KDM2A: variants seen among roughly 807,000 people sequenced by gnomAD.
The protein encoded by KDM2A is lysine demethylase 2A.
A neutral mutation model predicts 137.3 loss-of-function variants in KDM2A; 3 were observed. The observed-to-expected ratio is 0.02, with a 90% CI of 0.01 to 0.06. The LOEUF (loss-of-function observed/expected upper bound fraction) is 0.06, where lower values mean the gene tolerates loss of function less well. Among genes scored for constraint, KDM2A ranks in the 10% least tolerant of loss-of-function variants. KDM2A has a pLI of 1.00. For synonymous variants in KDM2A, 512 were observed against 541.5 expected (o/e 0.95, Z 0.76); for missense variants, 738 against 1,510.6 (o/e 0.49, Z 8.48).
rs1354735769 is a variant in KDM2A at position 67,245,166 on chromosome 11, ACCTCACT to A, written c.1564-22_1564-16del. ...GTCTTAAAGCAACCTGATATATTTGACCTCACTGCTTTCTCTTTCCAGCTTAAATTCC... is the reference window on the plus strand; with the variant it reads ...GTCTTAAAGCAACCTGATATATTTGAGCTTTCTCTTTCCAGCTTAAATTCC... On this transcript the variant is annotated splice_polypyrimidine_tract_variant and intron_variant, in intron 13 of 20. Transcript: ENST00000529006. This position sits in a 1 kb window ranked among gnomAD's most constrained non-coding sequence, Gnocchi z 4.1. The A allele has an allele frequency of 6.2e-7, 1 of 1,609,532 alleles. No homozygotes were observed. The highest frequency in any genetic ancestry group is 1.3e-5 in the African/African-American group (1 of 74,842).
intron 2 of KDM2A, among the ~76,000 whole-genome samples, chr11:67,122,873 C>T (rs1013862298): frequency 2.6e-5 from 4 of 151,398 alleles, no homozygotes; most frequent in Non-Finnish European, 4.4e-5. Flanking sequence ...GACGGGGTTT[C>T]ACTGTGTTAG....
At chr11:67,137,731 T>C (rs982737980) in intron 2 of KDM2A, among the ~76,000 whole-genome samples, 1 of 152,182 alleles carries the variant, frequency 6.6e-6, no homozygotes, top group Non-Finnish European at 1.5e-5. Flanking sequence ...TTGTGAAATA[T>C]CACAGTAGAA....
chr11:67,181,038 TTAG>T (rs1565391858), intron 3 of KDM2A, among the ~76,000 whole-genome samples: 2 of 151,516 alleles, frequency 1.3e-5, no homozygotes, highest in Non-Finnish European at 2.9e-5. Flanking sequence ...TGACTCACTA[TTAG>T]TAGTCCTATC....
chr11:67,157,534 CAG>C (rs1287981742), intron 2 of KDM2A, among the ~76,000 whole-genome samples: 6 of 151,726 alleles, frequency 4.0e-5, no homozygotes, highest in African/African-American at 1.5e-4. Context: ...CACCTGAGGT[CAG>C]GGGTTCAAGA....
At chr11:67,191,608 G>A (rs560427004) in intron 5 of KDM2A, among the ~76,000 whole-genome samples, 1 of 152,240 alleles carries the variant, frequency 6.6e-6, no homozygotes, top group South Asian at 2.1e-4. Context: ...CATCTCAATT[G>A]ACACAGAGAA....
At chr11:67,156,500 G>A (rs1461385675) in intron 2 of KDM2A, among the ~76,000 whole-genome samples, 1 of 151,822 alleles carries the variant, frequency 6.6e-6, no homozygotes, top group Non-Finnish European at 1.5e-5. Flanking sequence ...GGCGGATCAC[G>A]AGGTCAGGAG....
At chr11:67,135,072 T>C (rs1261515113) in intron 2 of KDM2A, among the ~76,000 whole-genome samples, 1 of 152,078 alleles carries the variant, frequency 6.6e-6, no homozygotes, top group Non-Finnish European at 1.5e-5. Flanking sequence ...ATTTTCTTTT[T>C]TTTTTTTCCC....
chr11:67,239,408 A>G (rs1486482036), intron 12 of KDM2A, among the ~76,000 whole-genome samples: 1 of 152,102 alleles, frequency 6.6e-6, no homozygotes, highest in Non-Finnish European at 1.5e-5. Flanking sequence ...GATGTAGTTG[A>G]TGTTAGCCGT....
intron 15 of KDM2A, 32 bp from the exon 16 acceptor site, chr11:67,248,249 A>G (rs1278871312): frequency 6.8e-7 from 1 of 1,467,614 alleles, no homozygotes; most frequent in Non-Finnish European, 9.4e-7. Flanking sequence ...CTTGAGAGAC[A>G]GGCTTTTAAA....
chr11:67,133,771 G>A lies in KDM2A; in HGVS notation c.42+12413G>A, dbSNP rs564826527. Among the ~76,000 whole-genome samples the A allele has an allele frequency of 3.3e-5, 5 of 151,070 alleles. No homozygotes were observed. The South Asian group carries it at 6.3e-4, about 19-fold the overall frequency. On this transcript the variant is annotated intron_variant, in intron 2 of 20. Coordinates refer to ENST00000529006, the MANE Select transcript of KDM2A (RefSeq NM_012308.3). ...GGCTGACGTGCAGTGGCGCCATCTC[G>A]GCTTACTATAACTTCCGCCTCCCAG... is the stretch of plus-strand genomic sequence containing the variant.
Position 67,185,636 on chromosome 11 carries a change from G to A in KDM2A, c.307+3744G>A, listed in dbSNP as rs114020427. 3.9e-3 allele frequency among the ~76,000 whole-genome samples: 563 copies of A among 142,932 alleles called. 5 individuals carry two copies. Among genetic ancestry groups the A allele is most frequent in the African/African-American group, 0.014 (539 of 38,120 alleles). 93.8% of individuals were successfully genotyped at this position (142,932 alleles called of 152,430 possible). On this transcript the variant is annotated intron_variant, in intron 5 of 20. Coordinates refer to ENST00000529006, the MANE Select transcript of KDM2A (RefSeq NM_012308.3). ...CCTTGGTGACGAGCGAAACTCTGTCGCAAAAAAAAAAAAAAAGTTATCCCT... is the reference window on the plus strand; with the variant it reads ...CCTTGGTGACGAGCGAAACTCTGTCACAAAAAAAAAAAAAAAGTTATCCCT...
chr11:67,250,844 G>A lies in KDM2A; in HGVS notation c.2768+46G>A. 1.4e-6 allele frequency: 2 copies of A among 1,430,426 alleles called. No homozygotes were observed. Among genetic ancestry groups the A allele is most frequent in the Non-Finnish European group, 1.9e-6 (2 of 1,056,294 alleles). The allele number at this position is 1,430,426 out of a possible 1,614,324, so 88.6% of individuals were successfully genotyped here. A position where few individuals can be genotyped will look rare whatever the true frequency, so the allele number is the denominator to read the frequency against. ...TCAGGAATTAGGGGTATGGGAGTAG[G>A]TGGCAGGTTTTCCATATGAGAACAG... On this transcript the variant is annotated intron_variant, in intron 17 of 20. Coordinates refer to ENST00000529006, the MANE Select transcript of KDM2A (RefSeq NM_012308.3). This position sits in a 1 kb window ranked among gnomAD's most constrained non-coding sequence, Gnocchi z 7.1.
rs1406961672 is a variant in KDM2A, at chr11:67,256,909, A to T, written c.*1854A>T. The T allele has an allele frequency of 6.6e-6, 1 of 152,584 alleles. No individual in the cohort carries two copies. The highest frequency in any genetic ancestry group is 1.5e-5 in the Non-Finnish European group (1 of 68,024). 9.5% of individuals were successfully genotyped at this position (152,584 alleles called of 1,614,324 possible). A position where few individuals can be genotyped will look rare whatever the true frequency, so the allele number is the denominator to read the frequency against. On this transcript the variant is annotated 3_prime_UTR_variant, in exon 21 of 21. Transcript: ENST00000529006. ...CTTCCATTGGTCTCCAGGCCCCAAT[A>T]ATCTGGGGTTGAAACTTTGAGGAAA...
intron 2 of KDM2A, among the ~76,000 whole-genome samples, chr11:67,133,944 G>T (rs1420259282): frequency 2.0e-5 from 3 of 151,942 alleles, no homozygotes; most frequent in East Asian, 3.9e-4. Context: ...CTCCCACCTC[G>T]GCCTCCCAAA....
intron 2 of KDM2A, among the ~76,000 whole-genome samples, chr11:67,123,097 G>A (rs2136275702): frequency 6.6e-6 from 1 of 152,016 alleles, no homozygotes; most frequent in East Asian, 1.9e-4. Flanking sequence ...AGCCTCCTGA[G>A]TAGCTGGGAC....
intron 5 of KDM2A, among the ~76,000 whole-genome samples, chr11:67,190,693 G>A (rs1002055515): frequency 2.6e-5 from 4 of 152,062 alleles, no homozygotes; most frequent in Middle Eastern, 3.4e-3. Flanking sequence ...CTGAGGAGGC[G>A]GAGGTTACAG....
chr11:67,226,916 G>A lies in KDM2A; in HGVS notation c.958-1121G>A, dbSNP rs1218509778. On this transcript the variant is annotated intron_variant, in intron 10 of 20. Coordinates refer to ENST00000529006, the MANE Select transcript of KDM2A (RefSeq NM_012308.3). ...CTTTGGTGGGAGGATGATAGCCTGG[G>A]TGAAAGAGCAAGACCCTGTCTCTAA... Among the ~76,000 whole-genome samples the A allele has an allele frequency of 2.0e-5, 3 of 152,010 alleles. No individual in the cohort carries two copies. In the East Asian group the frequency reaches 5.8e-4, roughly 29 times the overall value.
chr11:67,143,623 A>T (rs1856174453), intron 2 of KDM2A, among the ~76,000 whole-genome samples: 2 of 151,088 alleles, frequency 1.3e-5, no homozygotes, highest in South Asian at 2.1e-4. Flanking sequence ...TTCTCTTTTT[A>T]TTTATTTATT....
chr11:67,247,028 T>A (rs1250430683), intron 15 of KDM2A, among the ~76,000 whole-genome samples: 2 of 125,554 alleles, frequency 1.6e-5, no homozygotes, highest in East Asian at 2.3e-4. Context: ...TTTAATGTTA[T>A]AAATTATTTT....
Sources: gnomAD v4.1 joint callset for allele counts (sites outside exome capture counted in the v4.1 genomes callset) on GRCh38, gnomAD v4.1.1 for gene constraint, Gnocchi (gnomAD v3.1) non-coding constraint, MANE v1.5 for transcripts, NCBI Gene and HGNC (gene_info 2026-07-23, HGNC 2026-07-21) for gene names.